POLH: variants seen among roughly 807,000 people sequenced by gnomAD.
POLH encodes the protein DNA polymerase eta, also known as DNA polymerase eta transcript.
POLH carries 53 observed loss-of-function variants against 73.6 expected under a neutral mutation model. The observed-to-expected ratio is 0.72, with a 90% CI of 0.58 to 0.91. POLH has a LOEUF of 0.91. Ranked by LOEUF, POLH falls within the 40% of genes least tolerant of loss-of-function variation. The pLI, the probability that POLH is intolerant of heterozygous loss-of-function variation, is 0.00. For synonymous variants in POLH, 292 were observed against 308.5 expected (o/e 0.95, Z 0.56); for missense variants, 768 against 865.4 (o/e 0.89, Z 1.41).
intron 5 of POLH, among the ~76,000 whole-genome samples, chr6:43,599,517 C>A (rs1766491211): frequency 6.6e-6 from 1 of 152,242 alleles, no homozygotes; most frequent in South Asian, 2.1e-4. Context: ...CCAGGACTTT[C>A]ATCCCCTTCT....
rs745952880 is a variant in POLH, at chr6:43,620,233, C to G, written c.*5676C>G. The stretch of plus-strand genomic sequence containing the variant: ...TAGCAAGTGGCCAACTCTTCAAATA[C>G]AGGGTAGCTACCTATTTCACGTGAA... On this transcript the variant is annotated 3_prime_UTR_variant, in exon 11 of 11. Transcript: ENST00000372236. 2.9e-5 allele frequency: 15 copies of G among 514,988 alleles called. No homozygotes were observed. The highest frequency in any genetic ancestry group is 4.2e-5 in the South Asian group (3 of 70,780). 31.9% of individuals were successfully genotyped at this position (514,988 alleles called of 1,614,324 possible). A position where few individuals can be genotyped will look rare whatever the true frequency, so the allele number is the denominator to read the frequency against.
rs553213267 is a variant in POLH at position 43,616,516 on chromosome 6, A to C, written c.*1959A>C. Reference sequence around the variant, plus strand: ...AGGCAGGAGAATTGCTTGAACCTGGAAGGTGGAGGTTGCAGTGAGTTGAGA... The same window carrying C: ...AGGCAGGAGAATTGCTTGAACCTGGCAGGTGGAGGTTGCAGTGAGTTGAGA... On this transcript the variant is annotated 3_prime_UTR_variant, in exon 11 of 11. Transcript: ENST00000372236. 2.9e-3 allele frequency among the ~76,000 whole-genome samples: 433 copies of C among 150,196 alleles called. No homozygotes were observed. The highest frequency in any genetic ancestry group is 5.0e-3 in the Non-Finnish European group (335 of 67,588).
intron 3 of POLH, among the ~76,000 whole-genome samples, chr6:43,586,648 G>C (rs1456016798): frequency 6.6e-6 from 1 of 152,090 alleles, no homozygotes; most frequent in East Asian, 2.0e-4. Context: ...CATTCTAGGT[G>C]CTTATCTTCA....
chr6:43,592,662 G>A (rs1342459287), intron 4 of POLH, among the ~76,000 whole-genome samples: 3 of 152,054 alleles, frequency 2.0e-5, no homozygotes, highest in African/African-American at 7.2e-5. Flanking sequence ...TGATCTGCCC[G>A]CCTTGGTCTC....
rs772420344 is a variant in POLH, at chr6:43,614,251, T to C, written c.1836T>C (p.Ser612=). The C allele has an allele frequency of 2.5e-6, 4 of 1,605,690 alleles. No individual in the cohort carries two copies. The South Asian group carries it at 4.4e-5, about 18-fold the overall frequency. ...TGCACGCCTCTTCAGCTTCCAAATC[T>C]GTGCTGGAGGTGACTCAGAAAGCAA... ...QSMHASSASK[S]VLEVTQKATP... The change falls in exon 11 of 11, where the codon TCT becomes TCC. Residue 612 remains serine, a synonymous_variant. Coordinates refer to ENST00000372236, the MANE Select transcript of POLH (RefSeq NM_006502.3).
chr6:43,602,925 C>T (rs1304337701), intron 6 of POLH, among the ~76,000 whole-genome samples: 1 of 151,902 alleles, frequency 6.6e-6, no homozygotes, highest in African/African-American at 2.4e-5. Flanking sequence ...GCCTTGGCCT[C>T]CCAAAGTGCT....
At position 43,605,331 on chromosome 6, in the gene POLH, T is replaced by C. The variant is rs1412568754; in HGVS notation, c.1074+12T>C. ...AAGACCGAAATGATGTAAGATTTTC[T>C]TTCTTTATTCCTGGGGTGGGCTTTG... On this transcript the variant is annotated intron_variant, in intron 9 of 10. Transcript: ENST00000372236. 6 of 1,511,632 alleles carry C rather than the reference T, an allele frequency of 4.0e-6. No individual in the cohort carries two copies. The highest frequency in any genetic ancestry group is 5.5e-6 in the Non-Finnish European group (6 of 1,088,772). The allele number at this position is 1,511,632 out of a possible 1,614,324, so 93.6% of individuals were successfully genotyped here.
rs559974039 is a variant in POLH at position 43,577,672 on chromosome 6, C to A, written c.-5+1232C>A. ...ACTTTTTTTAGAATACAGTTGGGTG[C>A]TCACTCAACTGTATAACCTGTGTTT... On this transcript the variant is annotated intron_variant, in intron 1 of 10. Transcript: ENST00000372236. Among the ~76,000 whole-genome samples the A allele has an allele frequency of 4.6e-5, 7 of 151,924 alleles. No individual in the cohort carries two copies. The South Asian group carries it at 1.2e-3, about 27-fold the overall frequency.
intron 4 of POLH, chr6:43,588,821 A>C (rs189365419): frequency 6.6e-6 from 1 of 151,010 alleles, no homozygotes; most frequent in East Asian, 2.0e-4. Context: ...ATTTTGTGCT[A>C]TTATAGATCT....
chr6:43,593,878 CAAAAAAAAA>C (rs768129925), intron 4 of POLH, among the ~76,000 whole-genome samples: 1 of 85,184 alleles, frequency 1.2e-5, no homozygotes, highest in Non-Finnish European at 2.7e-5. Flanking sequence ...GACTCCGTCT[CAAAAAAAAA>C]AAAAAAAAAA....
Position 43,619,974 on chromosome 6 carries a change from T to G in POLH, c.*5417T>G. On this transcript the variant is annotated 3_prime_UTR_variant, in exon 11 of 11. Coordinates refer to ENST00000372236, the MANE Select transcript of POLH (RefSeq NM_006502.3). ...ATGCAGTTTCTATTTACAGTTGACT[T>G]TGGCCCCTATTTACCCATAAAATGT... 4.1e-6 allele frequency: 1 copy of G among 246,226 alleles called. No individual in the cohort carries two copies. The highest frequency in any genetic ancestry group is 8.0e-6 in the Non-Finnish European group (1 of 125,150). The allele number at this position is 246,226 out of a possible 1,614,324, so 15.3% of individuals were successfully genotyped here.
chr6:43,576,501 A>G (rs1162577834), intron 1 of POLH, 61 bp downstream of exon 1: 1 of 152,156 alleles, frequency 6.6e-6, no homozygotes, highest in Non-Finnish European at 1.5e-5. Flanking sequence ...TGCCTTGGCT[A>G]TTGGTTTTAT....
At chr6:43,606,727 C>A (rs1245700961) in intron 9 of POLH, among the ~76,000 whole-genome samples, 1 of 152,212 alleles carries the variant, frequency 6.6e-6, no homozygotes, top group Non-Finnish European at 1.5e-5. Flanking sequence ...CCGCACCCGG[C>A]AGTTTCTCTC....
intron 4 of POLH, among the ~76,000 whole-genome samples, chr6:43,593,379 C>A (rs1311394761): frequency 6.6e-6 from 1 of 152,106 alleles, no homozygotes; most frequent in African/African-American, 2.4e-5. Context: ...AGTAGCCAAA[C>A]AACTTTGAAA....
intron 4 of POLH, among the ~76,000 whole-genome samples, chr6:43,594,648 A>G (rs912541769): frequency 2.6e-5 from 4 of 152,228 alleles, no homozygotes; most frequent in Non-Finnish European, 4.4e-5. Flanking sequence ...TGGAGGTTGC[A>G]GTGAGCTGCA....
chr6:43,613,878 C>T lies in POLH; in HGVS notation c.1463C>T (p.Ala488Val), dbSNP rs1348646305. The change falls in exon 11 of 11, where the codon GCA becomes GTA. Residue 488 changes from alanine to valine, a missense_variant. Physicochemically the swap from Ala to Val is moderately conservative, Grantham distance 64. Transcript: ENST00000372236. Reference sequence around the variant, plus strand: ...CTGGAATCATTCTTCCAAAAAGCTGCAGAAAGGCAGAAAGTTAAAGAAGCT... The same window carrying T: ...CTGGAATCATTCTTCCAAAAAGCTGTAGAAAGGCAGAAAGTTAAAGAAGCT... The part of the protein sequence containing the change: ...TSLESFFQKA[A>V]ERQKVKEASL... 1.9e-6 allele frequency: 3 copies of T among 1,614,172 alleles called. No homozygotes were observed.
chr6:43,604,464 G>T lies in POLH; in HGVS notation c.885-151G>T, dbSNP rs545375411. 1.5e-5 allele frequency: 11 copies of T among 757,948 alleles called. No individual in the cohort carries two copies. The East Asian group carries it at 3.0e-4, about 21-fold the overall frequency. 47.0% of individuals were successfully genotyped at this position (757,948 alleles called of 1,614,324 possible). ...CTGGAATTCACTGAGAAGGGCAGGG[G>T]TTTCGTCAGAGGTCCGGTACACTAA... On this transcript the variant is annotated intron_variant, in intron 7 of 10. Transcript: ENST00000372236.
chr6:43,592,020 T>C (rs1765511907), intron 4 of POLH, among the ~76,000 whole-genome samples: 1 of 151,778 alleles, frequency 6.6e-6, no homozygotes, highest in South Asian at 2.1e-4. Context: ...AAAATGCCCA[T>C]GTTTATAGAG....
chr6:43,587,855 C>T (rs1355926404), intron 4 of POLH, among the ~76,000 whole-genome samples: 2 of 152,124 alleles, frequency 1.3e-5, no homozygotes, highest in Non-Finnish European at 2.9e-5. Context: ...GGTGAAACCC[C>T]ATCTCTACTA....
Sources: allele counts gnomAD v4.1 joint callset (sites outside exome capture counted in the v4.1 genomes callset), GRCh38; gene constraint gnomAD v4.1.1; transcripts MANE v1.5; gene names NCBI Gene and HGNC (gene_info 2026-07-23, HGNC 2026-07-21).